KLF13: variants seen among roughly 807,000 people sequenced by gnomAD.
KLF13 encodes the protein KLF transcription factor 13.
A neutral mutation model predicts 16.7 loss-of-function variants in KLF13; 8 were observed. That is an observed-to-expected ratio of 0.48 (90% CI 0.28 to 0.87). The LOEUF is 0.87. KLF13 is among the 40% of genes least tolerant of loss of function. The probability of loss-of-function intolerance (pLI) is 0.10; values close to 1 mark genes in which losing one functional copy is unlikely to be tolerated. For missense variants in KLF13, 447 were observed against 452.2 expected, an observed-to-expected ratio of 0.99 and a Z score of 0.10; for synonymous variants, 245 against 208.4, an observed-to-expected ratio of 1.18 and a Z score of -1.51.
chr15:31,398,278 G>GC (rs1595498439), intron 2 of KLF13, among the ~76,000 whole-genome samples: 1 of 152,148 alleles, frequency 6.6e-6, no homozygotes, highest in African/African-American at 2.4e-5. Flanking sequence ...CAAGGAAACA[G>GC]CCCAGGTGTT....
At chr15:31,385,452 T>C (rs1422577134) in intron 1 of KLF13, among the ~76,000 whole-genome samples, 2 of 152,260 alleles carry the variant, frequency 1.3e-5, no homozygotes, top group East Asian at 1.9e-4. Flanking sequence ...TGAAGATTTG[T>C]GGCAAATCCA....
At chr15:31,365,605 C>T (rs1389424899) in intron 1 of KLF13, among the ~76,000 whole-genome samples, 6 of 16,814 alleles carry the variant, frequency 3.6e-4, no homozygotes, top group Admixed American at 2.6e-3. Flanking sequence ...CAGCTGGAGC[C>T]GGGTGGGGTG....
At position 31,386,022 on chromosome 15, in the gene KLF13, T is replaced by C. The variant is rs562478019; in HGVS notation, n.224-49348T>C. 2.4e-4 allele frequency among the ~76,000 whole-genome samples: 36 copies of C among 152,372 alleles called. No homozygotes were observed. The South Asian group carries it at 4.1e-3, about 18-fold the overall frequency. On this transcript the variant is annotated intron_variant and non_coding_transcript_variant, in intron 1 of 1. Transcript: ENST00000558921. ...GAAAGTGAAATGGGCTTATTGCTGA[T>C]ATGGAGAAAGTTTCAGTGGCTTGGA...
chr15:31,327,628 C>T lies in KLF13; in HGVS notation c.416C>T (p.Pro139Leu), dbSNP rs1447539273. Residue 139 changes from proline (P) to leucine (L), a missense_variant, in exon 1 of 2, where the codon CCC becomes CTC. Around this residue, in one of 2 missense-constraint regions of KLF13, gnomAD observed 359 missense variants for 282.8 expected, o/e 1.27. Coordinates refer to ENST00000307145, the MANE Select transcript of KLF13 (RefSeq NM_015995.4). Reference protein sequence around the residue: ...AGLEPEREPGPAGSGEPGLRQ... With the variant: ...AGLEPEREPGLAGSGEPGLRQ... The stretch of plus-strand genomic sequence containing the variant: ...CTGGAGCCCGAGCGGGAGCCGGGGC[C>T]CGCGGGGAGCGGCGAGCCCGGCCTC... The T allele has an allele frequency of 2.2e-6, 3 of 1,365,958 alleles. No homozygotes were observed. The highest frequency in any genetic ancestry group is 2.9e-6 in the Non-Finnish European group (3 of 1,043,320). 84.6% of individuals were successfully genotyped at this position (1,365,958 alleles called of 1,614,324 possible). A position where few individuals can be genotyped will look rare whatever the true frequency, so the allele number is the denominator to read the frequency against.
intron 1 of KLF13, among the ~76,000 whole-genome samples, chr15:31,369,105 T>C (rs1367403970): frequency 6.6e-6 from 1 of 152,246 alleles, no homozygotes; most frequent in African/African-American, 2.4e-5. Context: ...AATTGATGGA[T>C]GTATTATTTT....
At chr15:31,425,737 C>T (rs1009164831) in intron 1 of KLF13, among the ~76,000 whole-genome samples, 5 of 151,998 alleles carry the variant, frequency 3.3e-5, no homozygotes, top group African/African-American at 7.3e-5. Flanking sequence ...ATTAGTCGGG[C>T]GTGTTAGCAC....
chr15:31,361,895 C>T (rs2039396527), intron 1 of KLF13, among the ~76,000 whole-genome samples: 1 of 150,228 alleles, frequency 6.7e-6, no homozygotes, highest in Non-Finnish European at 1.5e-5. Context: ...CTACCCACCA[C>T]GTGCTCTGCC....
At position 31,327,375 on chromosome 15, in the gene KLF13, G is replaced by A; in HGVS notation, c.163G>A (p.Gly55Ser). The part of the protein sequence containing the change: ...TLPRVEERRD[G>S]KDSASLFVVA... Reference sequence around the variant, plus strand: ...GCCCCGCGTCGAGGAGCGCCGCGACGGTAAGGACAGCGCCTCGCTCTTCGT... The same window carrying A: ...GCCCCGCGTCGAGGAGCGCCGCGACAGTAAGGACAGCGCCTCGCTCTTCGT... The change falls in exon 1 of 2, where the codon GGT (glycine) becomes AGT (serine). Residue 55 changes from glycine (G) to serine (S), a missense_variant. By Grantham distance (56) the Gly-to-Ser change is moderately conservative. Transcript: ENST00000307145. 4 of 1,290,442 alleles carry A rather than the reference G, an allele frequency of 3.1e-6. No homozygotes were observed. Among genetic ancestry groups the A allele is most frequent in the Non-Finnish European group, 3.9e-6 (4 of 1,019,544 alleles). The allele number at this position is 1,290,442 out of a possible 1,614,324, so 79.9% of individuals were successfully genotyped here. A position where few individuals can be genotyped will look rare whatever the true frequency, so the allele number is the denominator to read the frequency against.
intron 1 of KLF13, among the ~76,000 whole-genome samples, chr15:31,328,065 A>C (rs908264947): frequency 7.2e-6 from 1 of 138,620 alleles, no homozygotes; most frequent in Admixed American, 7.0e-5. Flanking sequence ...GCGGGGGCGG[A>C]TATAGTCATC....
intron 1 of KLF13, among the ~76,000 whole-genome samples, chr15:31,411,373 C>G (rs887902747): frequency 1.3e-5 from 2 of 151,370 alleles, no homozygotes; most frequent in African/African-American, 2.4e-5. Flanking sequence ...ATCAATGTAA[C>G]TTACCATACC....
chr15:31,431,340 C>T (rs2141016038), intron 1 of KLF13, among the ~76,000 whole-genome samples: 1 of 152,284 alleles, frequency 6.6e-6, no homozygotes, highest in South Asian at 2.1e-4. Flanking sequence ...CCCACACTGA[C>T]TAAGACAGCT....
intron 1 of KLF13, chr15:31,420,600 A>T (rs1264270076): frequency 2.4e-6 from 1 of 416,618 alleles, no homozygotes; most frequent in Non-Finnish European, 4.5e-6. Context: ...TTCTGGAAAA[A>T]CCCTACAGCT....
In KLF13 at chr15:31,327,176, C is replaced by A; in HGVS notation, c.-37C>A. On this transcript the variant is annotated 5_prime_UTR_variant, in exon 1 of 2. Transcript: ENST00000307145. ...GGGTGCGGATGCGCGGCTGACGACTCGCAGCAAGAGCACCGCCGCCGGCCC... is the reference window on the plus strand; with the variant it reads ...GGGTGCGGATGCGCGGCTGACGACTAGCAGCAAGAGCACCGCCGCCGGCCC... 1.6e-6 allele frequency: 2 copies of A among 1,254,818 alleles called. No individual in the cohort carries two copies. Among genetic ancestry groups the A allele is most frequent in the South Asian group, 2.1e-5 (1 of 48,606 alleles). 77.7% of individuals were successfully genotyped at this position (1,254,818 alleles called of 1,614,324 possible).
intron 1 of KLF13, among the ~76,000 whole-genome samples, chr15:31,340,620 A>G (rs1158577621): frequency 2.0e-5 from 3 of 152,218 alleles, no homozygotes; most frequent in Non-Finnish European, 2.9e-5. Context: ...CGTGCTGGGC[A>G]TGGTAGCTCA....
intron 1 of KLF13, among the ~76,000 whole-genome samples, chr15:31,337,156 C>T (rs1381471942): frequency 6.6e-6 from 1 of 152,180 alleles, no homozygotes; most frequent in African/African-American, 2.4e-5. Flanking sequence ...CCCCCATGTC[C>T]CTCTCCCACT....
downstream of KLF13, among the ~76,000 whole-genome samples, chr15:31,378,635 C>T (rs1218802907): frequency 6.6e-6 from 1 of 152,024 alleles, no homozygotes; most frequent in African/African-American, 2.4e-5. Flanking sequence ...GCAGCCACAT[C>T]TCAGCCTCAC....
intron 1 of KLF13, 48 bp downstream of exon 1, chr15:31,327,837 C>G: frequency 1.5e-6 from 2 of 1,359,884 alleles, no homozygotes; most frequent in Non-Finnish European, 1.9e-6. Flanking sequence ...GGGGTCGGCG[C>G]GAGCTGCCCG....
chr15:31,394,939 T>A (rs1351583130), intron 2 of KLF13, among the ~76,000 whole-genome samples: 1 of 152,204 alleles, frequency 6.6e-6, no homozygotes, highest in African/African-American at 2.4e-5. Context: ...TTTTTAAGTT[T>A]CATCCATGTT....
intron 1 of KLF13, among the ~76,000 whole-genome samples, chr15:31,328,490 C>G (rs930627654): frequency 6.6e-6 from 1 of 152,060 alleles, no homozygotes; most frequent in African/African-American, 2.4e-5. Context: ...GGGGCGCGCC[C>G]GGCCCTAGGC....
Sources: gnomAD v4.1 joint callset for allele counts (sites outside exome capture counted in the v4.1 genomes callset) on GRCh38, gnomAD v4.1.1 for gene constraint, gnomAD v4.1.1 regional missense constraint, MANE v1.5 for transcripts, NCBI Gene and HGNC (gene_info 2026-07-23, HGNC 2026-07-21) for gene names.